WWOX: variants seen among roughly 807,000 people sequenced by gnomAD.
The protein encoded by WWOX is WW domain-containing oxidoreductase.
In WWOX, 69 loss-of-function variants were observed where a neutral mutation model predicts 46.2. That is an observed-to-expected ratio of 1.49 (90% confidence interval 1.23 to 1.82). The LOEUF is 1.82. Among genes scored for constraint, WWOX ranks in the 40% most tolerant of loss-of-function variants. The pLI is 0.00. For missense variants in WWOX, 919 were observed against 542.6 expected, an observed-to-expected ratio of 1.69 and a Z score of -6.89; for synonymous variants, 359 against 202.6, an observed-to-expected ratio of 1.77 and a Z score of -6.56.
chr16:79,013,521 G>A (rs2047353884), intron 8 of WWOX, among the ~76,000 whole-genome samples: 1 of 152,280 alleles, frequency 6.6e-6, no homozygotes, highest in African/African-American at 2.4e-5. Context: ...GCTCAGGCGT[G>A]TGCAACAGGG....
intron 8 of WWOX, among the ~76,000 whole-genome samples, chr16:78,699,497 C>T (rs1311021627): frequency 1.3e-5 from 2 of 152,140 alleles, no homozygotes; most frequent in Non-Finnish European, 2.9e-5. Flanking sequence ...TGAGATCGTG[C>T]CACTGTACTC....
chr16:78,219,076 G>A lies in WWOX; in HGVS notation c.516+54787G>A, dbSNP rs573252158. 3.2e-4 allele frequency among the ~76,000 whole-genome samples: 48 copies of A among 152,212 alleles called. 1 individual carries two copies. Among genetic ancestry groups the A allele is most frequent in the East Asian group, 5.8e-4 (3 of 5,184 alleles). On this transcript the variant is annotated intron_variant, in intron 5 of 8. Transcript: ENST00000566780. ...ATCTTGGTGAGATAAAGGAAGTTGC[G>A]CTTGAGGAAACATTGAAACACACCA...
intron 5 of WWOX, among the ~76,000 whole-genome samples, chr16:78,198,966 C>G (rs2036145552): frequency 6.6e-6 from 1 of 152,000 alleles, no homozygotes; most frequent in Non-Finnish European, 1.5e-5. Context: ...TCTTCTTTTC[C>G]CCTTTCACCC....
intron 8 of WWOX, among the ~76,000 whole-genome samples, chr16:78,809,649 C>G (rs2051137172): frequency 6.6e-6 from 1 of 152,120 alleles, no homozygotes; most frequent in South Asian, 2.1e-4. Context: ...ACAGGGGCCC[C>G]CCACCCCTGT....
intron 8 of WWOX, among the ~76,000 whole-genome samples, chr16:78,632,505 C>G (rs1289064816): frequency 6.6e-6 from 1 of 150,402 alleles, no homozygotes; most frequent in Non-Finnish European, 1.5e-5. Context: ...GATAGAACCC[C>G]TTAGTGTCCT....
intron 8 of WWOX, among the ~76,000 whole-genome samples, chr16:78,672,934 GGTGACCTT>G (rs1239649559): frequency 6.6e-6 from 1 of 152,166 alleles, no homozygotes; most frequent in Non-Finnish European, 1.5e-5. Flanking sequence ...TCTCTCTGGC[GGTGACCTT>G]GTGCAATCCA....
intron 5 of WWOX, among the ~76,000 whole-genome samples, chr16:78,173,069 C>A (rs1480937719): frequency 6.6e-6 from 1 of 152,214 alleles, no homozygotes; most frequent in Non-Finnish European, 1.5e-5. Context: ...AGAGAAACAA[C>A]TGTAGATGAA....
intron 8 of WWOX, among the ~76,000 whole-genome samples, chr16:78,889,218 G>A (rs2044534192): frequency 6.6e-6 from 1 of 152,042 alleles, no homozygotes; most frequent in African/African-American, 2.4e-5. Flanking sequence ...GTTTCCTTAA[G>A]TAAAATTTTA....
intron 8 of WWOX, among the ~76,000 whole-genome samples, chr16:78,542,529 G>C (rs1040034340): frequency 2.6e-5 from 4 of 152,160 alleles, no homozygotes; most frequent in Non-Finnish European, 4.4e-5. Flanking sequence ...GTCAGGGAAT[G>C]AAAACTATGC....
chr16:78,825,233 C>G (rs9936829), intron 8 of WWOX: 3 of 227,426 alleles, frequency 1.3e-5, no homozygotes, highest in African/African-American at 2.3e-5. Flanking sequence ...CTAGTGAGAT[C>G]TAAGAGAGGC....
At chr16:78,415,817 C>T (rs1365372570) in intron 6 of WWOX, among the ~76,000 whole-genome samples, 2 of 152,102 alleles carry the variant, frequency 1.3e-5, no homozygotes, top group African/African-American at 2.4e-5. Context: ...ATGACAACCC[C>T]CGCCCCCACC....
At chr16:78,181,305 C>A (rs1172360090) in intron 5 of WWOX, among the ~76,000 whole-genome samples, 3 of 152,038 alleles carry the variant, frequency 2.0e-5, no homozygotes, top group African/African-American at 7.2e-5. Flanking sequence ...GGGTGTTGAT[C>A]ACTGTTTTCA....
rs1302399852 is a variant in WWOX at position 79,212,139 on chromosome 16, C to A, written c.*343C>A. ...TACTGTTATAGAATAGCCTGAGGTC[C>A]CCTCGTCCCATCCAGCTACCACCAC... is the stretch of plus-strand genomic sequence containing the variant. On this transcript the variant is annotated 3_prime_UTR_variant, in exon 9 of 9. Transcript: ENST00000566780. The A allele has an allele frequency of 3.9e-6, 6 of 1,520,914 alleles. No homozygotes were observed. Among genetic ancestry groups the A allele is most frequent in the Non-Finnish European group, 5.3e-6 (6 of 1,138,570 alleles). 94.2% of individuals were successfully genotyped at this position (1,520,914 alleles called of 1,614,324 possible). A position where few individuals can be genotyped will look rare whatever the true frequency, so the allele number is the denominator to read the frequency against.
At position 78,477,372 on chromosome 16, in the gene WWOX, C is replaced by CT. The variant is rs765260793; in HGVS notation, c.1056+44629dup. Reference sequence around the variant, plus strand: ...TGAATTTCCAGAGCCTGTGGTTCTACTTTTTTTTTAATTAAATCTATTTCT... The same window carrying CT: ...TGAATTTCCAGAGCCTGTGGTTCTACTTTTTTTTTTAATTAAATCTATTTCT... On this transcript the variant is annotated intron_variant, in intron 8 of 8. Transcript: ENST00000566780. 2.1e-4 allele frequency among the ~76,000 whole-genome samples: 32 copies of CT among 151,146 alleles called. 1 individual carries two copies. Among genetic ancestry groups the CT allele is most frequent in the East Asian group, 3.9e-4 (2 of 5,148 alleles).
Position 78,680,370 on chromosome 16 carries a change from C to G in WWOX, c.1056+247618C>G, listed in dbSNP as rs551663953. 3.8e-3 allele frequency among the ~76,000 whole-genome samples: 571 copies of G among 152,168 alleles called. 2 individuals carry two copies. Among genetic ancestry groups the G allele is most frequent in the African/African-American group, 0.013 (534 of 41,528 alleles). On this transcript the variant is annotated intron_variant, in intron 8 of 8. Coordinates refer to ENST00000566780, the MANE Select transcript of WWOX (RefSeq NM_016373.4). ...ACCAGCCTGAACGACGTAAAAAGAC[C>G]TATCTCTACAAAAATTAGCTGGGCA...
chr16:78,391,476 C>A (rs138491941), intron 6 of WWOX, among the ~76,000 whole-genome samples: 1 of 152,172 alleles, frequency 6.6e-6, no homozygotes, highest in Non-Finnish European at 1.5e-5. Flanking sequence ...GAATCCAAAA[C>A]GACTTTTTGT....
At chr16:79,169,998 A>G (rs950510500) in intron 8 of WWOX, among the ~76,000 whole-genome samples, 1 of 152,174 alleles carries the variant, frequency 6.6e-6, no homozygotes, top group African/African-American at 2.4e-5. Context: ...GGGCATTGCA[A>G]TCTTTAGGAC....
At chr16:78,702,120 A>ATATATATATATATATTTATTTATT (rs1207718237) in intron 8 of WWOX, among the ~76,000 whole-genome samples, 44 of 130,014 alleles carry the variant, frequency 3.4e-4, no homozygotes, top group African/African-American at 1.4e-3. Context: ...ATATATATAT[A>ATATATATATATATATTTATTTATT]TATTTATTTA....
intron 8 of WWOX, among the ~76,000 whole-genome samples, chr16:78,671,820 A>T (rs1303102687): frequency 1.3e-5 from 2 of 152,222 alleles, no homozygotes; most frequent in Non-Finnish European, 2.9e-5. Context: ...AGGGATCAAG[A>T]TATGGATTGT....
Sources: gnomAD v4.1 joint callset for allele counts (sites outside exome capture counted in the v4.1 genomes callset) on GRCh38, gnomAD v4.1.1 for gene constraint, MANE v1.5 for transcripts, NCBI Gene and HGNC (gene_info 2026-07-23, HGNC 2026-07-21) for gene names.